Variants in SH3GL3 observed in about 807,000 individuals in gnomAD.
SH3GL3 encodes SH3 domain containing GRB2 like 3, endophilin A3.
A neutral mutation model predicts 47.7 loss-of-function variants in SH3GL3; 33 were observed. That is an observed-to-expected ratio of 0.69 (90% CI 0.52 to 0.92). The LOEUF (loss-of-function observed/expected upper bound fraction) is 0.92, where lower values mean the gene tolerates loss of function less well. Among genes scored for constraint, SH3GL3 ranks in the 40% least tolerant of loss-of-function variants. The probability of loss-of-function intolerance (pLI) is 0.00; values close to 1 mark genes in which losing one functional copy is unlikely to be tolerated. For synonymous variants in SH3GL3, 155 were observed against 148.8 expected, an observed-to-expected ratio of 1.04 and a Z score of -0.30; for missense variants, 363 against 417.8, an observed-to-expected ratio of 0.87 and a Z score of 1.14.
In SH3GL3 at chr15:83,566,365, AGTGTGTGTGT is replaced by A. The variant is rs57323112; in HGVS notation, c.187+1192_187+1201del. 8.0e-4 allele frequency among the ~76,000 whole-genome samples: 109 copies of A among 136,682 alleles called. 1 individual carries two copies. The South Asian group carries it at 0.016, about 20-fold the overall frequency. 89.7% of individuals were successfully genotyped at this position (136,682 alleles called of 152,430 possible). On this transcript the variant is annotated intron_variant, in intron 3 of 8. Transcript: ENST00000427482. ...GATGGGCAGAGAGAGAGAGAGAGAG[AGTGTGTGTGT>A]GTGTGTGTGTGTGTGTGTGTGTGTG...
At chr15:83,495,593 T>C (rs2042045643) in intron 1 of SH3GL3, among the ~76,000 whole-genome samples, 1 of 152,070 alleles carries the variant, frequency 6.6e-6, no homozygotes, top group African/African-American at 2.4e-5. Context: ...AGAAGTTAGC[T>C]GGGCGTGGTG....
intron 1 of SH3GL3, among the ~76,000 whole-genome samples, chr15:83,536,911 CTT>C (rs937553792): frequency 3.3e-5 from 5 of 152,172 alleles, no homozygotes; most frequent in African/African-American, 9.7e-5. Context: ...AAAGTTTCCT[CTT>C]TGACATTTCC....
At chr15:83,577,706 T>C (rs897398093) in intron 6 of SH3GL3, among the ~76,000 whole-genome samples, 1 of 152,156 alleles carries the variant, frequency 6.6e-6, no homozygotes, top group African/African-American at 2.4e-5. Context: ...CTCAATATCT[T>C]AAATCTTGAG....
At chr15:83,541,478 C>T (rs1046831267) in intron 1 of SH3GL3, among the ~76,000 whole-genome samples, 1 of 151,556 alleles carries the variant, frequency 6.6e-6, no homozygotes, top group Non-Finnish European at 1.5e-5. Context: ...GGACTACAGG[C>T]GCCCGCTACC....
At chr15:83,550,515 G>A (rs1750379208) in intron 1 of SH3GL3, among the ~76,000 whole-genome samples, 2 of 151,978 alleles carry the variant, frequency 1.3e-5, no homozygotes, top group Non-Finnish European at 2.9e-5. Context: ...TCAGCCTCCC[G>A]AGTAGCTGGG....
chr15:83,552,030 A>G (rs973419475), intron 1 of SH3GL3, among the ~76,000 whole-genome samples: 1 of 152,170 alleles, frequency 6.6e-6, no homozygotes, highest in Non-Finnish European at 1.5e-5. Context: ...TCATTTATAT[A>G]ATTGCTTCCT....
intron 1 of SH3GL3, among the ~76,000 whole-genome samples, chr15:83,469,045 G>A (rs1308971670): frequency 1.3e-5 from 2 of 151,864 alleles, no homozygotes; most frequent in African/African-American, 4.8e-5. Flanking sequence ...GTTTTTTATC[G>A]AGTGAGTTTT....
At chr15:83,464,143 T>TC (rs1432925910) in intron 1 of SH3GL3, among the ~76,000 whole-genome samples, 1 of 152,164 alleles carries the variant, frequency 6.6e-6, no homozygotes, top group East Asian at 1.9e-4. Flanking sequence ...CTTGCCTAGG[T>TC]CTTGAGTGAC....
intron 1 of SH3GL3, among the ~76,000 whole-genome samples, chr15:83,456,769 C>T (rs993807037): frequency 6.6e-6 from 1 of 151,768 alleles, no homozygotes; most frequent in Non-Finnish European, 1.5e-5. Flanking sequence ...CACCCGTCTT[C>T]TGCGTCGCTC....
intron 3 of SH3GL3, chr15:83,565,450 C>G: frequency 2.3e-6 from 1 of 432,444 alleles, no homozygotes; most frequent in Non-Finnish European, 4.1e-6. Context: ...GTCATAGCAA[C>G]AAGAGAGCAC....
At chr15:83,483,703 C>T (rs746243193) in intron 1 of SH3GL3, among the ~76,000 whole-genome samples, 21 of 152,186 alleles carry the variant, frequency 1.4e-4, no homozygotes, top group Admixed American at 6.5e-4. Flanking sequence ...TTAGAGAAGT[C>T]GCATTACCCT....
chr15:83,524,259 T>G (rs1022745233), intron 1 of SH3GL3, among the ~76,000 whole-genome samples: 1 of 152,218 alleles, frequency 6.6e-6, no homozygotes, highest in Non-Finnish European at 1.5e-5. Flanking sequence ...TGTTTTCTTC[T>G]TTTAACCCAA....
At chr15:83,601,727 G>C (rs2060385126) in intron 8 of SH3GL3, among the ~76,000 whole-genome samples, 1 of 151,778 alleles carries the variant, frequency 6.6e-6, no homozygotes, top group African/African-American at 2.4e-5. Flanking sequence ...ATTTAGGGAG[G>C]ATTCCCTCTT....
At chr15:83,576,842 C>T in intron 6 of SH3GL3, 101 bp downstream of exon 6, 3 of 758,046 alleles carry the variant, frequency 4.0e-6, no homozygotes, top group Non-Finnish European at 6.1e-6. Context: ...CAGGAGTGTC[C>T]AATCTTTTGG....
intron 8 of SH3GL3, among the ~76,000 whole-genome samples, chr15:83,600,329 G>A (rs2060347302): frequency 6.6e-6 from 1 of 152,160 alleles, no homozygotes; most frequent in Non-Finnish European, 1.5e-5. Flanking sequence ...TCAGGTCTTA[G>A]ATTTAAGTCC....
At chr15:83,586,454 G>C (rs1009793172) in intron 6 of SH3GL3, among the ~76,000 whole-genome samples, 1 of 152,154 alleles carries the variant, frequency 6.6e-6, no homozygotes, top group African/African-American at 2.4e-5. Context: ...GCAACAAAAC[G>C]CATAGAGGGG....
chr15:83,491,030 G>A (rs2041851511), intron 1 of SH3GL3: 5 of 1,481,116 alleles, frequency 3.4e-6, no homozygotes, highest in Non-Finnish European at 4.5e-6. Flanking sequence ...GGGAAGCCTT[G>A]TATTAGCAAG....
At position 83,492,347 on chromosome 15, in the gene SH3GL3, G is replaced by C. The variant is rs188426183; in HGVS notation, c.45+44769G>C. Among the ~76,000 whole-genome samples, 7 of 151,406 alleles carry C rather than the reference G, an allele frequency of 4.6e-5. No individual in the cohort carries two copies. In the East Asian group the frequency reaches 1.4e-3, roughly 29 times the overall value. ...GGGGTTCATATCAAACAACACTATG[G>C]GAATGAAGTCCATCGGATTTAGAAT... On this transcript the variant is annotated intron_variant, in intron 1 of 8. Transcript: ENST00000427482.
chr15:83,481,376 A>T (rs746824907), intron 1 of SH3GL3, among the ~76,000 whole-genome samples: 21 of 152,274 alleles, frequency 1.4e-4, no homozygotes, highest in South Asian at 2.1e-4. Flanking sequence ...GGCTTTAGGA[A>T]TCAGGAGATT....
Sources: allele counts gnomAD v4.1 joint callset (sites outside exome capture counted in the v4.1 genomes callset), GRCh38; gene constraint gnomAD v4.1.1; transcripts MANE v1.5; gene names NCBI Gene and HGNC (gene_info 2026-07-23, HGNC 2026-07-21).